TNFRSF10B: variants seen among roughly 807,000 people sequenced by gnomAD.
TNFRSF10B encodes the protein TNF receptor superfamily member 10b.
In TNFRSF10B, 35 loss-of-function variants were observed where a neutral mutation model predicts 41.4. That is an observed-to-expected ratio of 0.85 (90% CI 0.65 to 1.12). The LOEUF is 1.12. Among genes scored for constraint, TNFRSF10B ranks in the 50% most tolerant of loss-of-function variants. The pLI, the probability that TNFRSF10B is intolerant of heterozygous loss-of-function variation, is 0.00. For synonymous variants in TNFRSF10B, 230 were observed against 215.5 expected (o/e 1.07, Z -0.59); for missense variants, 584 against 552.7 (o/e 1.06, Z -0.57).
At chr8:23,055,096 G>A (rs975149899) in intron 1 of TNFRSF10B, among the ~76,000 whole-genome samples, 1 of 152,074 alleles carries the variant, frequency 6.6e-6, no homozygotes, top group Non-Finnish European at 1.5e-5. Context: ...TTTTCTGGCT[G>A]CAAGTCTCAA....
intron 2 of TNFRSF10B, among the ~76,000 whole-genome samples, chr8:23,040,899 T>A (rs192766555): frequency 6.6e-6 from 1 of 152,302 alleles, no homozygotes; most frequent in African/African-American, 2.4e-5. Context: ...AACGTGATTA[T>A]TTAATAATAG....
chr8:23,038,440 T>C (rs1388491311), intron 2 of TNFRSF10B, among the ~76,000 whole-genome samples: 2 of 152,256 alleles, frequency 1.3e-5, no homozygotes, highest in Non-Finnish European at 2.9e-5. Flanking sequence ...ACTGTAATCA[T>C]TATAAGTATT....
intron 8 of TNFRSF10B, 64 bp downstream of exon 8, chr8:23,024,123 CA>C: frequency 1.2e-6 from 2 of 1,603,486 alleles, no homozygotes; most frequent in Non-Finnish European, 1.7e-6. Context: ...CCTCTGGGGA[CA>C]GCAGTTAGGA....
rs1812139525 is a variant in TNFRSF10B at position 23,040,286 on chromosome 8, TTATTAA to T, written c.250+2846_250+2851del. ...TATTAAATATATATATAATATATATTTATTAAATATATATAATATATATTTAATAAA... is the reference window on the plus strand; with the variant it reads ...TATTAAATATATATATAATATATATTATATATATAATATATATTTAATAAA... On this transcript the variant is annotated intron_variant, in intron 2 of 8. Transcript: ENST00000276431. Among the ~76,000 whole-genome samples, 16 of 73,364 alleles carry T rather than the reference TTATTAA, an allele frequency of 2.2e-4. 6 individuals carry two copies. In the South Asian group the frequency reaches 0.012, roughly 53 times the overall value. 48.1% of individuals were successfully genotyped at this position (73,364 alleles called of 152,430 possible). A position where few individuals can be genotyped will look rare whatever the true frequency, so the allele number is the denominator to read the frequency against.
chr8:23,047,503 CAA>C (rs1257653148), intron 1 of TNFRSF10B, among the ~76,000 whole-genome samples: 2 of 150,874 alleles, frequency 1.3e-5, no homozygotes, highest in African/African-American at 2.4e-5. Context: ...TAATTCTATT[CAA>C]AGAGAAAAAA....
At chr8:23,059,207 A>G (rs1367716208) in intron 1 of TNFRSF10B, among the ~76,000 whole-genome samples, 2 of 152,232 alleles carry the variant, frequency 1.3e-5, no homozygotes, top group African/African-American at 4.8e-5. Context: ...GTAATACTCC[A>G]TTGTATGAAT....
chr8:23,048,856 C>T lies in TNFRSF10B; in HGVS notation c.145-5613G>A, dbSNP rs145427313. 2.0e-5 allele frequency among the ~76,000 whole-genome samples: 3 copies of T among 152,294 alleles called. No individual in the cohort carries two copies. The East Asian group carries it at 5.8e-4, about 29-fold the overall frequency. ...GGCTCAAGCAGTCCTCCTGCCTCAGCCTCTCAAAGTGCTGAGATTACAGGC... is the reference window on the plus strand; with the variant it reads ...GGCTCAAGCAGTCCTCCTGCCTCAGTCTCTCAAAGTGCTGAGATTACAGGC... On this transcript the variant is annotated intron_variant, in intron 1 of 8. Transcript: ENST00000276431.
chr8:23,039,382 ACAGGATAGGC>A (rs2128814425), intron 2 of TNFRSF10B, among the ~76,000 whole-genome samples: 1 of 152,186 alleles, frequency 6.6e-6, no homozygotes, highest in East Asian at 1.9e-4. Context: ...TTCAAAAGGT[ACAGGATAGGC>A]CAGCAGAGAA....
intron 4 of TNFRSF10B, among the ~76,000 whole-genome samples, chr8:23,029,305 C>T (rs883429): frequency 0.26 from 39,359 of 152,214 alleles, 5,314 homozygotes; most frequent in East Asian, 0.35. Context: ...GCATTCTACT[C>T]ATTCTTCTTA....
chr8:23,050,151 T>C (rs1289961443), intron 1 of TNFRSF10B, among the ~76,000 whole-genome samples: 1 of 152,260 alleles, frequency 6.6e-6, no homozygotes, highest in East Asian at 1.9e-4. Flanking sequence ...TTAAGCCATT[T>C]ATCCGGTACT....
chr8:23,022,749 C>T lies in TNFRSF10B; in HGVS notation c.1245G>A (p.Lys415=), dbSNP rs1174556919. Residue 415 remains lysine (K), a synonymous_variant, in exon 9 of 9, where the codon AAG becomes AAA. Coordinates refer to ENST00000276431, the MANE Select transcript of TNFRSF10B (RefSeq NM_003842.5). ...TCAACAAGTGGTCCTCAATCTTCTG[C>T]TTGGCAAGTCTCTCTCCCAGCGTCT... ...ALETLGERLA[K]QKIEDHLLSS... 1.2e-6 allele frequency: 2 copies of T among 1,613,874 alleles called. No homozygotes were observed. Among genetic ancestry groups the T allele is most frequent in the Non-Finnish European group, 1.7e-6 (2 of 1,180,010 alleles).
rs1268536585 is a variant in TNFRSF10B, at chr8:23,027,153, C to G, written c.916G>C (p.Gly306Arg). The G allele has an allele frequency of 6.2e-7, 1 of 1,614,154 alleles. No individual in the cohort carries two copies. The highest frequency in any genetic ancestry group is 8.5e-7 in the Non-Finnish European group (1 of 1,180,020). ...EPTGVNMLSP[G>R]ESEHLLEPAE... Reference sequence around the variant, plus strand: ...CTCACCAGCAGATGCTCTGACTCCCCGGGGGACAACATGTTGACACCTGTT... The same window carrying G: ...CTCACCAGCAGATGCTCTGACTCCCGGGGGGACAACATGTTGACACCTGTT... The change falls in exon 7 of 9, where the codon GGG (glycine) becomes CGG (arginine). Residue 306 changes from glycine to arginine, a missense_variant. Gly to Arg is a moderately radical substitution (Grantham distance 125). Transcript: ENST00000276431.
chr8:23,038,425 T>C (rs560614119), intron 2 of TNFRSF10B, among the ~76,000 whole-genome samples: 103 of 152,348 alleles, frequency 6.8e-4, no homozygotes, highest in African/African-American at 2.3e-3. Flanking sequence ...GCTATGGAAA[T>C]AAGGACTGTA....
intron 1 of TNFRSF10B, among the ~76,000 whole-genome samples, chr8:23,048,621 T>C (rs1249538635): frequency 2.0e-5 from 3 of 152,192 alleles, no homozygotes; most frequent in South Asian, 4.1e-4. Flanking sequence ...CAGCATATTG[T>C]ACATTTCAAA....
intron 1 of TNFRSF10B, among the ~76,000 whole-genome samples, chr8:23,046,905 C>T (rs1812381130): frequency 6.6e-6 from 1 of 152,068 alleles, no homozygotes; most frequent in Non-Finnish European, 1.5e-5. Flanking sequence ...TATCCATATG[C>T]ACAAGAATGA....
chr8:23,028,460 AG>A lies in TNFRSF10B; in HGVS notation c.618del (p.Ser207LeufsTer10). ...ETVTSSPGTP[A>X]SPCSLSGIII... is the part of the protein sequence containing the mutation. ...ATGATGCCTGAGAGAGAACAGGGAGAGGCAGGAGTCCCTGGGCTGGAGGTCA... is the reference window on the plus strand; with the variant it reads ...ATGATGCCTGAGAGAGAACAGGGAGAGCAGGAGTCCCTGGGCTGGAGGTCA... On this transcript the variant is annotated frameshift_variant, in exon 5 of 9. Transcript: ENST00000276431. LOFTEE classifies it high-confidence loss of function. The A allele has an allele frequency of 6.2e-7, 1 of 1,614,166 alleles. No individual in the cohort carries two copies. Among genetic ancestry groups the A allele is most frequent in the Non-Finnish European group, 8.5e-7 (1 of 1,180,000 alleles).
At position 23,032,902 on chromosome 8, in the gene TNFRSF10B, C is replaced by T. The variant is rs185282032; in HGVS notation, c.251-2030G>A. 4.1e-4 allele frequency among the ~76,000 whole-genome samples: 62 copies of T among 152,306 alleles called. 1 individual carries two copies. Among genetic ancestry groups the T allele is most frequent in the South Asian group, 2.3e-3 (11 of 4,824 alleles). Reference sequence around the variant, plus strand: ...AGCAGGATAAGTTAAAAGAGAACTACACTGAGACACATTATAGTCAAATGG... The same window carrying T: ...AGCAGGATAAGTTAAAAGAGAACTATACTGAGACACATTATAGTCAAATGG... On this transcript the variant is annotated intron_variant, in intron 2 of 8. Coordinates refer to ENST00000276431, the MANE Select transcript of TNFRSF10B (RefSeq NM_003842.5).
Position 23,067,741 on chromosome 8 carries a change from A to G in TNFRSF10B, c.144+1010T>C, listed in dbSNP as rs571388484. On this transcript the variant is annotated intron_variant, in intron 1 of 8. Transcript: ENST00000276431. ...TGTAACAATATCCCATGAAACTCCA[A>G]TGCTTCACACTGACATTCTTCTAGG... is the stretch of plus-strand genomic sequence containing the variant. Among the ~76,000 whole-genome samples, 227 of 152,244 alleles carry G rather than the reference A, an allele frequency of 1.5e-3. 1 individual carries two copies. The highest frequency in any genetic ancestry group is 2.6e-3 in the Non-Finnish European group (179 of 68,000).
rs41308114 is a variant in TNFRSF10B at position 23,068,839 on chromosome 8, C to T, written c.56G>A (p.Gly19Asp). ...TCCCCGCGCCTCCCTGGGTCCTGGG[C>T]CGTGCCTTTTCCGGGCCCCCGAAGC... ...PAASGARKRHGPGPREARGAR... is the reference protein window; with the variant it reads ...PAASGARKRHDPGPREARGAR... The change falls in exon 1 of 9, where the codon GGC becomes GAC. Residue 19 changes from glycine to aspartate, a missense_variant. By Grantham distance (94) the Gly-to-Asp change is moderately conservative. Transcript: ENST00000276431. 2,158 of 1,613,262 alleles carry T rather than the reference C, an allele frequency of 1.3e-3. 38 individuals carry two copies. The African/African-American group carries it at 0.026, about 20-fold the overall frequency.
Sources: gnomAD v4.1 joint callset for allele counts (sites outside exome capture counted in the v4.1 genomes callset) on GRCh38, gnomAD v4.1.1 for gene constraint, MANE v1.5 for transcripts, NCBI Gene and HGNC (gene_info 2026-07-23, HGNC 2026-07-21) for gene names.